Variants in SGCD observed in about 807,000 individuals in gnomAD.
SGCD encodes the protein delta-sarcoglycan.
A neutral mutation model predicts 36.6 loss-of-function variants in SGCD; 18 were observed. That is an observed-to-expected ratio of 0.49 (90% confidence interval 0.34 to 0.73). SGCD has a LOEUF of 0.73. Among genes scored for constraint, SGCD ranks in the 30% least tolerant of loss-of-function variants. The probability of loss-of-function intolerance (pLI) is 0.01; values close to 1 mark genes in which losing one functional copy is unlikely to be tolerated. For synonymous variants in SGCD, 133 were observed against 130.6 expected (o/e 1.02, Z -0.12); for missense variants, 387 against 346.7 (o/e 1.12, Z -0.92).
chr5:156,307,552 GTTGTTTTT>G (rs1358563742), intron 3 of SGCD, among the ~76,000 whole-genome samples: 58 of 48,442 alleles, frequency 1.2e-3, no homozygotes, highest in African/African-American at 3.7e-3. Flanking sequence ...CATTTTAACT[GTTGTTTTT>G]TTTTTTTTTT....
At chr5:155,905,569 C>G (rs1429144096) in intron 1 of SGCD, among the ~76,000 whole-genome samples, 1 of 152,030 alleles carries the variant, frequency 6.6e-6, no homozygotes, top group African/African-American at 2.4e-5. Flanking sequence ...ACTGGCATAC[C>G]TCATTTTATT....
At chr5:155,958,849 A>G (rs1181408198) in intron 1 of SGCD, among the ~76,000 whole-genome samples, 2 of 152,112 alleles carry the variant, frequency 1.3e-5, no homozygotes, top group Admixed American at 6.5e-5. Context: ...GCACATAGTA[A>G]GTGTGACTAG....
the SGCD span, among the ~76,000 whole-genome samples, chr5:155,844,196 GCA>G: frequency 6.6e-6 from 1 of 152,016 alleles, no homozygotes; most frequent in Non-Finnish European, 1.5e-5. Flanking sequence ...TGTCTTCTCT[GCA>G]CAGAGACACA....
At chr5:155,839,451 C>G in the SGCD span, among the ~76,000 whole-genome samples, 1 of 152,130 alleles carries the variant, frequency 6.6e-6, no homozygotes, top group Non-Finnish European at 1.5e-5. Flanking sequence ...ATGCTAGTAA[C>G]AGCTACTCAT....
At chr5:156,219,145 T>C (rs973632214) in intron 3 of SGCD, among the ~76,000 whole-genome samples, 3 of 152,228 alleles carry the variant, frequency 2.0e-5, no homozygotes, top group African/African-American at 7.2e-5. Context: ...TCAAATGACC[T>C]AGCTAGATTC....
At chr5:155,885,558 T>A (rs1755978971) in intron 1 of SGCD, among the ~76,000 whole-genome samples, 1 of 53,618 alleles carries the variant, frequency 1.9e-5, no homozygotes, top group Non-Finnish European at 3.1e-5. Flanking sequence ...GAATTTTGTG[T>A]AGCCAATAAT....
At chr5:156,037,244 G>T (rs1581055363) in intron 1 of SGCD, among the ~76,000 whole-genome samples, 3 of 152,142 alleles carry the variant, frequency 2.0e-5, no homozygotes, top group Admixed American at 2.0e-4. Flanking sequence ...CCTGAGAGAG[G>T]CAAAAGAAGC....
chr5:156,076,046 T>C (rs1760776445), intron 1 of SGCD, among the ~76,000 whole-genome samples: 2 of 152,096 alleles, frequency 1.3e-5, no homozygotes, highest in South Asian at 4.1e-4. Context: ...GTAGCACTTA[T>C]TTTGGATTTG....
the SGCD span, among the ~76,000 whole-genome samples, chr5:155,786,113 C>T: frequency 6.6e-6 from 1 of 152,240 alleles, no homozygotes; most frequent in Non-Finnish European, 1.5e-5. Context: ...AATAGTGTTG[C>T]TTTTTGGAAC....
chr5:155,969,039 G>T (rs1757957704), intron 1 of SGCD, among the ~76,000 whole-genome samples: 2 of 152,058 alleles, frequency 1.3e-5, no homozygotes, highest in Non-Finnish European at 2.9e-5. Flanking sequence ...TAATTCATCT[G>T]TTATGTATAT....
chr5:155,749,369 G>GT, the SGCD span, among the ~76,000 whole-genome samples: 10 of 152,252 alleles, frequency 6.6e-5, no homozygotes, highest in Admixed American at 5.9e-4. Flanking sequence ...ATAACTCTTA[G>GT]TTTTTTCTGA....
intron 1 of SGCD, among the ~76,000 whole-genome samples, chr5:155,970,211 C>A (rs969218663): frequency 6.6e-6 from 1 of 152,062 alleles, no homozygotes; most frequent in African/African-American, 2.4e-5. Flanking sequence ...CTTCCAGCCC[C>A]CATCCCATTT....
intron 4 of SGCD, among the ~76,000 whole-genome samples, chr5:156,575,325 C>T (rs914318558): frequency 6.6e-6 from 1 of 152,204 alleles, no homozygotes; most frequent in Non-Finnish European, 1.5e-5. Flanking sequence ...GGTCAAGTCT[C>T]TCTCCCTATC....
At chr5:156,695,277 A>G (rs2113715158) in intron 7 of SGCD, among the ~76,000 whole-genome samples, 1 of 152,196 alleles carries the variant, frequency 6.6e-6, no homozygotes, top group South Asian at 2.1e-4. Context: ...TAAATGGTAG[A>G]CTTTGAGTAA....
the SGCD span, among the ~76,000 whole-genome samples, chr5:155,825,889 C>T: frequency 6.6e-6 from 1 of 152,080 alleles, no homozygotes; most frequent in East Asian, 1.9e-4. Flanking sequence ...GCTGGGATTA[C>T]AGGCACCTGC....
intron 7 of SGCD, among the ~76,000 whole-genome samples, chr5:156,724,536 G>C (rs1755673741): frequency 6.6e-6 from 1 of 152,122 alleles, no homozygotes; most frequent in Admixed American, 6.5e-5. Context: ...GAACCCAGGA[G>C]GTGGAGCTTG....
At chr5:156,499,706 T>A (rs1756364474) in intron 3 of SGCD, among the ~76,000 whole-genome samples, 1 of 152,130 alleles carries the variant, frequency 6.6e-6, no homozygotes, top group Non-Finnish European at 1.5e-5. Context: ...GGGAGACCGG[T>A]AAGAGACTAG....
intron 8 of SGCD, 106 bp downstream of exon 8, chr5:156,757,810 AG>A: frequency 7.1e-7 from 1 of 1,406,736 alleles, no homozygotes; most frequent in Admixed American, 2.9e-5. Context: ...TATCAACAAA[AG>A]GAGCCAAGCA....
intron 3 of SGCD, among the ~76,000 whole-genome samples, chr5:156,406,923 G>A (rs1772462420): frequency 6.6e-6 from 1 of 150,696 alleles, no homozygotes; most frequent in Admixed American, 6.6e-5. Flanking sequence ...CTGCAAGCTT[G>A]AGGAGTGAGG....
Sources: allele counts gnomAD v4.1 joint callset (sites outside exome capture counted in the v4.1 genomes callset), GRCh38; gene constraint gnomAD v4.1.1; transcripts MANE v1.5; gene names NCBI Gene and HGNC (gene_info 2026-07-23, HGNC 2026-07-21).